The following DPH6 variants were observed in gnomAD, a reference collection of about 807,000 sequenced individuals.
DPH6 encodes diphthine--ammonia ligase.
A neutral mutation model predicts 38.2 loss-of-function variants in DPH6; 33 were observed. That is an observed-to-expected ratio of 0.86 (90% CI 0.65 to 1.15). DPH6 has a LOEUF of 1.15. Among genes scored for constraint, DPH6 ranks in the 50% most tolerant of loss-of-function variants. The probability of loss-of-function intolerance (pLI) is 0.00; values close to 1 mark genes in which losing one functional copy is unlikely to be tolerated. For synonymous variants in DPH6, 108 were observed against 103.0 expected (o/e 1.05, Z -0.30); for missense variants, 325 against 320.0 (o/e 1.02, Z -0.12).
intron 7 of DPH6, among the ~76,000 whole-genome samples, chr15:35,381,587 A>G (rs1403279121): frequency 6.6e-6 from 1 of 152,224 alleles, no homozygotes; most frequent in African/African-American, 2.4e-5. Context: ...CATAATCAGC[A>G]AGTAAACGAA....
intron 3 of DPH6, among the ~76,000 whole-genome samples, chr15:35,254,706 T>G (rs2051695668): frequency 1.3e-5 from 2 of 152,156 alleles, no homozygotes; most frequent in Admixed American, 6.5e-5. Flanking sequence ...CAAACAGGCT[T>G]CGTGTGAGCA....
intron 3 of DPH6, among the ~76,000 whole-genome samples, chr15:35,308,503 G>A (rs2052112396): frequency 6.6e-6 from 1 of 152,036 alleles, no homozygotes; most frequent in Admixed American, 6.6e-5. Flanking sequence ...AGGAAGGCAG[G>A]GGAATTTTTA....
At chr15:35,436,103 C>T (rs1417035428) in intron 5 of DPH6, among the ~76,000 whole-genome samples, 1 of 152,040 alleles carries the variant, frequency 6.6e-6, no homozygotes, top group South Asian at 2.1e-4. Context: ...GAGCAGCATA[C>T]CTCGCGACAC....
the DPH6 span, among the ~76,000 whole-genome samples, chr15:35,182,383 T>C: frequency 1.3e-5 from 2 of 152,130 alleles, no homozygotes; most frequent in Non-Finnish European, 2.9e-5. Context: ...TACGTTTAGT[T>C]TCTATTGAAG....
chr15:35,516,649 C>A (rs1170887136), intron 3 of DPH6, among the ~76,000 whole-genome samples: 1 of 152,256 alleles, frequency 6.6e-6, no homozygotes, highest in East Asian at 1.9e-4. Flanking sequence ...ATGAACATAT[C>A]ATTGATCATC....
intron 7 of DPH6, among the ~76,000 whole-genome samples, chr15:35,375,891 A>G (rs563392187): frequency 2.0e-5 from 3 of 152,180 alleles, no homozygotes; most frequent in Admixed American, 2.0e-4. Context: ...CTCTAAAAGG[A>G]CAACTACGCT....
chr15:35,171,989 T>A, the DPH6 span, among the ~76,000 whole-genome samples: 1 of 152,186 alleles, frequency 6.6e-6, no homozygotes, highest in African/African-American at 2.4e-5. Context: ...TTCCTCAGCC[T>A]CCCAAGTAGC....
chr15:35,167,799 A>G, the DPH6 span, among the ~76,000 whole-genome samples: 2 of 152,004 alleles, frequency 1.3e-5, no homozygotes, highest in Non-Finnish European at 2.9e-5. Context: ...TCTCTTCCTG[A>G]TATCTTTCTG....
intron 3 of DPH6, among the ~76,000 whole-genome samples, chr15:35,457,874 T>C (rs952129963): frequency 2.0e-5 from 3 of 152,214 alleles, no homozygotes; most frequent in African/African-American, 7.2e-5. Flanking sequence ...CCTGTGTTAC[T>C]ACTTCTACTA....
Position 35,504,078 on chromosome 15 carries a change from G to A in DPH6, c.312+34196C>T, listed in dbSNP as rs528105828. Among the ~76,000 whole-genome samples the A allele has an allele frequency of 3.3e-5, 5 of 152,028 alleles. No individual in the cohort carries two copies. In the South Asian group the frequency reaches 6.2e-4, roughly 19 times the overall value. ...TAATTTCAAGATCTCAAAAGACCTA[G>A]CCCCTATCTCTCCTCTCTCTGTACC... On this transcript the variant is annotated intron_variant, in intron 3 of 8. Coordinates refer to ENST00000256538, the MANE Select transcript of DPH6 (RefSeq NM_080650.4).
intron 6 of DPH6, among the ~76,000 whole-genome samples, chr15:35,398,593 G>A (rs997313057): frequency 1.3e-5 from 2 of 152,196 alleles, no homozygotes; most frequent in Non-Finnish European, 2.9e-5. Context: ...CTCTGCATCT[G>A]GCTGTTCATC....
At chr15:35,317,941 G>T (rs559558148) in intron 3 of DPH6, among the ~76,000 whole-genome samples, 167 of 151,948 alleles carry the variant, frequency 1.1e-3, no homozygotes, top group African/African-American at 3.8e-3. Context: ...AACCAATAAA[G>T]GGGGGAACAG....
At chr15:35,150,112 C>T in the DPH6 span, among the ~76,000 whole-genome samples, 2 of 152,148 alleles carry the variant, frequency 1.3e-5, no homozygotes, top group African/African-American at 4.8e-5. Flanking sequence ...TTTATGTCCT[C>T]AACTGTTTTA....
chr15:35,450,841 T>C (rs751881870), intron 4 of DPH6, 38 bp from the exon 5 acceptor site: 4 of 1,494,268 alleles, frequency 2.7e-6, no homozygotes, highest in Non-Finnish European at 2.8e-6. Flanking sequence ...AGATGATCTC[T>C]TAATGTTTTA....
intron 1 of DPH6, among the ~76,000 whole-genome samples, chr15:35,543,199 CATCAGCACT>C (rs1276238579): frequency 7.0e-6 from 1 of 143,574 alleles, no homozygotes; most frequent in Non-Finnish European, 1.5e-5. Flanking sequence ...TGACGTGAAA[CATCAGCACT>C]ATCAGCACTT....
intron 5 of DPH6, among the ~76,000 whole-genome samples, chr15:35,418,942 A>G (rs2053469560): frequency 6.6e-6 from 1 of 152,064 alleles, no homozygotes. Flanking sequence ...TAAAATCAGT[A>G]GGTGATATTA....
chr15:35,447,798 C>G (rs2053875205), intron 5 of DPH6, among the ~76,000 whole-genome samples: 1 of 150,066 alleles, frequency 6.7e-6, no homozygotes, highest in Admixed American at 6.6e-5. Flanking sequence ...TCAGGCAAAA[C>G]TAACAAAAAA....
At chr15:35,465,559 T>C (rs1208583831) in intron 3 of DPH6, among the ~76,000 whole-genome samples, 1 of 152,188 alleles carries the variant, frequency 6.6e-6, no homozygotes, top group Non-Finnish European at 1.5e-5. Flanking sequence ...ATGAATATTA[T>C]CTTAAATAAA....
In DPH6 at chr15:35,527,368, G is replaced by C. The variant is rs28418293; in HGVS notation, c.312+10906C>G. 4.6e-5 allele frequency among the ~76,000 whole-genome samples: 7 copies of C among 152,078 alleles called. No homozygotes were observed. The South Asian group carries it at 1.4e-3, about 31-fold the overall frequency. On this transcript the variant is annotated intron_variant, in intron 3 of 8. Coordinates refer to ENST00000256538, the MANE Select transcript of DPH6 (RefSeq NM_080650.4). The stretch of plus-strand genomic sequence containing the variant: ...GATGGAGCAACTGAATTCCAGAGGA[G>C]TAGAGTTTAACACAATGCCTATTAT...
Sources: allele counts gnomAD v4.1 joint callset (sites outside exome capture counted in the v4.1 genomes callset), GRCh38; gene constraint gnomAD v4.1.1; transcripts MANE v1.5; gene names NCBI Gene and HGNC (gene_info 2026-07-23, HGNC 2026-07-21).